Variants in TBC1D31 observed in about 807,000 individuals in gnomAD.
The protein encoded by TBC1D31 is WD repeat domain 67.
TBC1D31 carries 99 observed loss-of-function variants against 132.9 expected under a neutral mutation model. That is an observed-to-expected ratio of 0.74 (90% CI 0.63 to 0.88). The LOEUF (loss-of-function observed/expected upper bound fraction) is 0.88. TBC1D31 is among the 40% of genes least tolerant of loss of function. The pLI is 0.00. For missense variants in TBC1D31, 1,134 were observed against 1,256.6 expected (o/e 0.90, Z 1.48); for synonymous variants, 385 against 419.4 (o/e 0.92, Z 1.00).
At chr8:123,152,397 C>T (rs1433519136), downstream of TBC1D31, among the ~76,000 whole-genome samples, 1 of 152,146 alleles carries the variant, frequency 6.6e-6, no homozygotes, top group African/African-American at 2.4e-5. Context: ...TCAGGGACCC[C>T]ACCGGACTTG....
At chr8:123,135,061 A>C (rs965940881) in intron 17 of TBC1D31, among the ~76,000 whole-genome samples, 1 of 152,076 alleles carries the variant, frequency 6.6e-6, no homozygotes, top group Non-Finnish European at 1.5e-5. Context: ...CACCAAGCCT[A>C]TCTAATTTTT....
At chr8:123,114,651 A>G (rs1818755159) in intron 10 of TBC1D31, among the ~76,000 whole-genome samples, 1 of 152,190 alleles carries the variant, frequency 6.6e-6, no homozygotes, top group Admixed American at 6.5e-5. Context: ...AAGTAACTTT[A>G]AAGTATTCAT....
chr8:123,077,348 G>A, intron 2 of TBC1D31, 91 bp downstream of exon 2: 2 of 1,293,982 alleles, frequency 1.5e-6, no homozygotes, highest in Non-Finnish European at 2.1e-6. Flanking sequence ...CATTCAGAAA[G>A]ATTTATTAAG....
rs766180355 is a variant in TBC1D31, at chr8:123,102,349, G to GCCATGGCA, written c.1032+1342_1032+1343insCCATGGCA. The GCCATGGCA allele has an allele frequency of 5.0e-5, 21 of 417,908 alleles. No homozygotes were observed. The East Asian group carries it at 8.9e-4, about 18-fold the overall frequency. The allele number at this position is 417,908 out of a possible 1,614,324, so 25.9% of individuals were successfully genotyped here. ...TGAGATTGGGTGCATTTGGAGTGGC[G>GCCATGGCA]TTTGCCACCTTTTTTTATTCTAAAA... On this transcript the variant is annotated intron_variant, in intron 7 of 21. Transcript: ENST00000287380.
chr8:123,100,897 G>A lies in TBC1D31; in HGVS notation c.922G>A (p.Gly308Arg). 6.2e-7 allele frequency: 1 copy of A among 1,613,886 alleles called. No homozygotes were observed. The highest frequency in any genetic ancestry group is 8.5e-7 in the Non-Finnish European group (1 of 1,179,850). ...LLFEIGSLDEGISSSAISPHG... is the reference protein window; with the variant it reads ...LLFEIGSLDERISSSAISPHG... Reference sequence around the variant, plus strand: ...CTTTGAGATTGGGAGCCTCGATGAAGGAATTAGCTCATCAGCAATTAGCCC... The same window carrying A: ...CTTTGAGATTGGGAGCCTCGATGAAAGAATTAGCTCATCAGCAATTAGCCC... The change falls in exon 7 of 22, where the codon GGA (glycine) becomes AGA (arginine). Residue 308 changes from glycine (G) to arginine (R), a missense_variant. Transcript: ENST00000287380.
rs147489434 is a variant in TBC1D31 at position 123,148,688 on chromosome 8, G to A, written c.2975-1348G>A. 8.5e-5 allele frequency among the ~76,000 whole-genome samples: 13 copies of A among 152,320 alleles called. No individual in the cohort carries two copies. In the East Asian group the frequency reaches 2.5e-3, roughly 29 times the overall value. On this transcript the variant is annotated intron_variant, in intron 20 of 21. Coordinates refer to ENST00000287380, the MANE Select transcript of TBC1D31 (RefSeq NM_145647.4). ...AGAATGCTGGTAGACTGGGAAGCTCGTGACCTTATTCCATTTGCTACAAGT... is the reference window on the plus strand; with the variant it reads ...AGAATGCTGGTAGACTGGGAAGCTCATGACCTTATTCCATTTGCTACAAGT...
chr8:123,164,891 A>G, the TBC1D31 span, among the ~76,000 whole-genome samples: 1 of 152,214 alleles, frequency 6.6e-6, no homozygotes, highest in East Asian at 1.9e-4. Context: ...ATGTAAGATC[A>G]TATGGTACTT....
At chr8:123,125,555 T>C (rs1819952962) in intron 11 of TBC1D31, among the ~76,000 whole-genome samples, 1 of 152,240 alleles carries the variant, frequency 6.6e-6, no homozygotes, top group Admixed American at 6.5e-5. Flanking sequence ...ATTATAATGT[T>C]TAAGGGATTA....
At chr8:123,144,495 T>C (rs1344921012) in intron 19 of TBC1D31, among the ~76,000 whole-genome samples, 2 of 152,224 alleles carry the variant, frequency 1.3e-5, no homozygotes, top group Non-Finnish European at 2.9e-5. Flanking sequence ...TTTGTGGCAC[T>C]CTGCAATACT....
chr8:123,108,815 T>C (rs1244499740), intron 8 of TBC1D31, among the ~76,000 whole-genome samples: 2 of 152,070 alleles, frequency 1.3e-5, no homozygotes, highest in African/African-American at 4.8e-5. Context: ...CTTACAATCA[T>C]GGCAGAAGGT....
chr8:123,128,699 A>AC (rs201289759), intron 14 of TBC1D31, among the ~76,000 whole-genome samples, 186 bp downstream of exon 14: 10,290 of 152,160 alleles, frequency 0.068, 432 homozygotes, highest in Non-Finnish European at 0.092. Context: ...ACATGGTGAA[A>AC]CCCCGTCTCT....
chr8:123,079,112 C>G (rs544311029), intron 2 of TBC1D31, among the ~76,000 whole-genome samples: 2 of 152,104 alleles, frequency 1.3e-5, no homozygotes, highest in African/African-American at 4.8e-5. Flanking sequence ...GTGCTGATAT[C>G]TCTACAAGGG....
intron 8 of TBC1D31, among the ~76,000 whole-genome samples, chr8:123,109,021 G>A (rs1818214859): frequency 6.6e-6 from 1 of 152,192 alleles, no homozygotes; most frequent in Non-Finnish European, 1.5e-5. Flanking sequence ...TGTGGGGATT[G>A]TAATTCAAGA....
At chr8:123,163,346 A>G in the TBC1D31 span, among the ~76,000 whole-genome samples, 1 of 148,830 alleles carries the variant, frequency 6.7e-6, no homozygotes, top group Non-Finnish European at 1.5e-5. Flanking sequence ...TATGTAACAC[A>G]AACTTTATCA....
At chr8:123,131,580 A>G (rs1820634233) in intron 16 of TBC1D31, among the ~76,000 whole-genome samples, 1 of 152,100 alleles carries the variant, frequency 6.6e-6, no homozygotes, top group South Asian at 2.1e-4. Flanking sequence ...GTGGTTGTAT[A>G]ATATTCCATT....
At position 123,097,431 on chromosome 8, in the gene TBC1D31, G is replaced by T. The variant is rs1267265192; in HGVS notation, c.821G>T (p.Gly274Val). 3 of 1,614,056 alleles carry T rather than the reference G, an allele frequency of 1.9e-6. No homozygotes were observed. The highest frequency in any genetic ancestry group is 2.5e-6 in the Non-Finnish European group (3 of 1,180,020). ...TTTCTTCCTGATAGTTTTGATGCTGGTTCTAATCAGGTTAGTAACATAAAT... is the reference window on the plus strand; with the variant it reads ...TTTCTTCCTGATAGTTTTGATGCTGTTTCTAATCAGGTTAGTAACATAAAT... The part of the protein sequence containing the change: ...LEFLPDSFDA[G>V]SNQVLGVLSQ... The change falls in exon 6 of 22, where the codon GGT becomes GTT. Residue 274 changes from glycine to valine, a missense_variant. By Grantham distance (109) the Gly-to-Val change is moderately radical (BLOSUM62 -3). Transcript: ENST00000287380.
At chr8:123,127,921 G>A (rs1322117518) in intron 13 of TBC1D31, 1 of 161,704 alleles carries the variant, frequency 6.2e-6, no homozygotes, top group African/African-American at 2.4e-5. Context: ...AAACTTTTTA[G>A]ATATTTTTAA....
At chr8:123,093,466 A>T (rs1382495692) in intron 4 of TBC1D31, 125 bp from the exon 5 acceptor site, 1 of 561,486 alleles carries the variant, frequency 1.8e-6, no homozygotes, top group African/African-American at 1.9e-5. Flanking sequence ...TATATTAGAA[A>T]TGTATTTTCC....
At position 123,150,078 on chromosome 8, in the gene TBC1D31, C is replaced by G. The variant is rs865861054; in HGVS notation, c.3017C>G (p.Pro1006Arg). 3.7e-6 allele frequency: 6 copies of G among 1,614,082 alleles called. No individual in the cohort carries two copies. The Middle Eastern group carries it at 9.9e-4, about 266-fold the overall frequency. The change falls in exon 21 of 22, where the codon CCT (proline) becomes CGT (arginine). Residue 1006 changes from proline (P) to arginine (R), a missense_variant. By Grantham distance (103) the Pro-to-Arg change is moderately radical. Transcript: ENST00000287380. Reference sequence around the variant, plus strand: ...AATGAACAGGACTCAAGCTGTTTGCCTAGAACCTCACAATTAAATGACTCT... The same window carrying G: ...AATGAACAGGACTCAAGCTGTTTGCGTAGAACCTCACAATTAAATGACTCT... ...FQNEQDSSCL[P>R]RTSQLNDSSE...
Sources: gnomAD v4.1 joint callset for allele counts (sites outside exome capture counted in the v4.1 genomes callset) on GRCh38, gnomAD v4.1.1 for gene constraint, MANE v1.5 for transcripts, NCBI Gene and HGNC (gene_info 2026-07-23, HGNC 2026-07-21) for gene names.